Variants in RPL31 observed in about 807,000 individuals in gnomAD.
RPL31 encodes large ribosomal subunit protein eL31.
For missense variants in RPL31, 95 were observed against 164.0 expected, an observed-to-expected ratio of 0.58 and a Z score of 2.30; for synonymous variants, 51 against 55.0, an observed-to-expected ratio of 0.93 and a Z score of 0.32.
At chr2:101,002,459 G>C in intron 1 of RPL31, 144 bp downstream of exon 1, 4 of 555,498 alleles carry the variant, frequency 7.2e-6, no homozygotes, top group Middle Eastern at 5.0e-4. Flanking sequence ...GCTTTTAAAG[G>C]CTCCCAGAGC....
chr2:101,005,914 T>C (rs1678714050), intron 3 of RPL31, 45 bp from the exon 4 acceptor site: 1 of 1,535,246 alleles, frequency 6.5e-7, no homozygotes, highest in Admixed American at 1.7e-5. Context: ...GCTGCTTGGT[T>C]GAAAGGAGGC....
downstream of RPL31, chr2:101,011,412 G>C (rs773401256): frequency 1.3e-6 from 2 of 1,586,600 alleles, no homozygotes; most frequent in Middle Eastern, 1.7e-4. Flanking sequence ...CCACTGCAGT[G>C]GTATGCAGGG....
intron 4 of RPL31, among the ~76,000 whole-genome samples, chr2:101,014,902 T>G (rs758195046): frequency 2.6e-4 from 40 of 152,220 alleles, no homozygotes; most frequent in Non-Finnish European, 5.3e-4. Flanking sequence ...GATGTTAATT[T>G]TAAACACCTC....
intron 4 of RPL31, among the ~76,000 whole-genome samples, chr2:101,017,694 T>G (rs1679757435): frequency 6.6e-6 from 1 of 152,196 alleles, no homozygotes; most frequent in Admixed American, 6.5e-5. Context: ...GGAAAGCAGA[T>G]CATTCTAACA....
chr2:101,013,101 AATCC>A (rs1679355402), intron 4 of RPL31, among the ~76,000 whole-genome samples: 2 of 152,208 alleles, frequency 1.3e-5, no homozygotes, highest in South Asian at 4.1e-4. Context: ...GGCAGCAATT[AATCC>A]AGGGGGTGGG....
At chr2:101,017,703 CAG>C (rs1679757986) in intron 4 of RPL31, among the ~76,000 whole-genome samples, 1 of 152,210 alleles carries the variant, frequency 6.6e-6, no homozygotes, top group Non-Finnish European at 1.5e-5. Context: ...ATCATTCTAA[CAG>C]ATATCCATGG....
intron 4 of RPL31, among the ~76,000 whole-genome samples, chr2:101,013,575 A>C (rs1049467436): frequency 1.3e-5 from 2 of 152,232 alleles, no homozygotes; most frequent in Non-Finnish European, 2.9e-5. Context: ...GTTTGAAGGT[A>C]GTAGGTAACT....
Position 101,006,028 on chromosome 2 carries a change from G to A in RPL31, c.303G>A (p.Lys101=), listed in dbSNP as rs756861520. ...ATGAGGATGAAGATTCACCAAATAA[G>A]CTATATACTTTGGTTACCTATGTAC... ...KRNEDEDSPN[K]LYTLVTYVPV... Residue 101 remains lysine (K), a synonymous_variant, in exon 4 of 5, where the codon AAG becomes AAA. Coordinates refer to ENST00000264258, the MANE Select transcript of RPL31 (RefSeq NM_000993.5). 8.7e-6 allele frequency: 14 copies of A among 1,613,904 alleles called. No individual in the cohort carries two copies. The South Asian group carries it at 1.5e-4, about 18-fold the overall frequency.
At position 101,007,236 on chromosome 2, in the gene RPL31, A is replaced by ATT. The variant is rs1678787472; in HGVS notation, c.*855_*856insTT. The ATT allele has an allele frequency of 6.6e-6, 1 of 152,410 alleles. No individual in the cohort carries two copies. The highest frequency in any genetic ancestry group is 6.5e-5 in the Admixed American group (1 of 15,302). The allele number at this position is 152,410 out of a possible 1,614,324, so 9.4% of individuals were successfully genotyped here. ...AAAAGAAAAGGACCAAGTAAATACA[A>ATT]AAAGTTTCTTATTAAAAAACTTGGA... is the stretch of plus-strand genomic sequence containing the variant. On this transcript the variant is annotated 3_prime_UTR_variant, in exon 5 of 5. Transcript: ENST00000264258.
downstream of RPL31, among the ~76,000 whole-genome samples, chr2:101,008,707 G>A (rs1678940978): frequency 6.6e-6 from 1 of 152,110 alleles, no homozygotes; most frequent in South Asian, 2.1e-4. Context: ...AGCTACTTGG[G>A]AGGCTGAGGC....
intron 4 of RPL31, among the ~76,000 whole-genome samples, chr2:101,017,551 C>T (rs888767025): frequency 1.3e-5 from 2 of 152,158 alleles, no homozygotes; most frequent in African/African-American, 4.8e-5. Flanking sequence ...TCTATCCTTG[C>T]CCAGAACGTC....
downstream of RPL31, chr2:101,007,726 T>TA (rs1392956880): frequency 7.7e-7 from 1 of 1,302,416 alleles, no homozygotes; most frequent in African/African-American, 1.5e-5. Context: ...ATTGGTAAGG[T>TA]AGACTGAAAT....
chr2:101,004,967 C>T (rs1678665596), intron 3 of RPL31: 1 of 152,350 alleles, frequency 6.6e-6, no homozygotes, highest in South Asian at 2.1e-4. Context: ...CTAGTTGATT[C>T]TGGAAACGGG....
At chr2:101,002,412 C>T in intron 1 of RPL31, 97 bp downstream of exon 1, 2 of 423,012 alleles carry the variant, frequency 4.7e-6, no homozygotes, top group Non-Finnish European at 8.7e-6. Context: ...CCGAGCCAGC[C>T]CGGGGCTCCG....
chr2:101,010,033 A>G (rs1052539394), downstream of RPL31, among the ~76,000 whole-genome samples: 6 of 151,710 alleles, frequency 4.0e-5, no homozygotes, highest in Non-Finnish European at 5.9e-5. Context: ...TCACCATGTT[A>G]GCCAGGATGG....
intron 4 of RPL31, chr2:101,018,013 T>C (rs1679780206): frequency 7.3e-7 from 1 of 1,376,276 alleles, no homozygotes; most frequent in Non-Finnish European, 1.0e-6. Context: ...ACTTCAAGCA[T>C]GTGCTCATTC....
downstream of RPL31, among the ~76,000 whole-genome samples, chr2:101,009,240 T>TAAA (rs1408412256): frequency 2.6e-5 from 4 of 151,738 alleles, no homozygotes; most frequent in African/African-American, 9.7e-5. Context: ...CTGTCTCTAT[T>TAAA]AAAAATACAA....
At chr2:101,012,738 A>C (rs1206453207) in intron 4 of RPL31, among the ~76,000 whole-genome samples, 1 of 152,234 alleles carries the variant, frequency 6.6e-6, no homozygotes, top group East Asian at 1.9e-4. Flanking sequence ...ATGACAGGGA[A>C]GGTTCCCCAT....
downstream of RPL31, chr2:101,008,210 C>T (rs546321327): frequency 6.2e-6 from 10 of 1,605,494 alleles, no homozygotes; most frequent in African/African-American, 4.0e-5. Context: ...TGATACAAAT[C>T]ATTTTCTTCT....
Sources: allele counts gnomAD v4.1 joint callset (sites outside exome capture counted in the v4.1 genomes callset), GRCh38; gene constraint gnomAD v4.1.1; transcripts MANE v1.5; gene names NCBI Gene and HGNC (gene_info 2026-07-23, HGNC 2026-07-21).